Variants in GALNT17 observed in about 807,000 individuals in gnomAD.
The protein encoded by GALNT17 is polypeptide N-acetylgalactosaminyltransferase 17.
GALNT17 carries 29 observed loss-of-function variants against 63.7 expected under a neutral mutation model. The ratio of observed to expected loss-of-function variants is 0.46; its 90% CI spans 0.34 to 0.62. GALNT17 has a LOEUF of 0.62. Ranked by LOEUF, GALNT17 falls within the 20% of genes least tolerant of loss-of-function variation. GALNT17 has a pLI of 0.01. For missense variants in GALNT17, 603 were observed against 799.6 expected (o/e 0.75, Z 2.97); for synonymous variants, 305 against 318.3 (o/e 0.96, Z 0.45).
intron 2 of GALNT17, among the ~76,000 whole-genome samples, chr7:71,376,283 G>A (rs376215205): frequency 6.6e-6 from 1 of 150,756 alleles, no homozygotes; most frequent in African/African-American, 2.4e-5. Context: ...TAAGAATAAC[G>A]TAGGCAGCAT....
chr7:71,173,204 C>T (rs746365637), intron 1 of GALNT17, among the ~76,000 whole-genome samples: 8 of 152,012 alleles, frequency 5.3e-5, no homozygotes, highest in East Asian at 1.9e-4. Flanking sequence ...GTCTCAGATG[C>T]GGAAGTGCAC....
intron 1 of GALNT17, among the ~76,000 whole-genome samples, chr7:71,211,373 C>G (rs1022439253): frequency 2.6e-5 from 4 of 152,154 alleles, no homozygotes; most frequent in Non-Finnish European, 5.9e-5. Context: ...TGCCTTTTAC[C>G]TCCCCACATG....
chr7:71,609,179 G>A (rs530934098), intron 6 of GALNT17, among the ~76,000 whole-genome samples: 1 of 152,272 alleles, frequency 6.6e-6, no homozygotes, highest in South Asian at 2.1e-4. Flanking sequence ...CTATACCAAA[G>A]GATGTGCCTT....
chr7:71,517,077 A>G (rs1788457615), intron 5 of GALNT17, among the ~76,000 whole-genome samples: 1 of 152,178 alleles, frequency 6.6e-6, no homozygotes. Context: ...CAAAGTTCTC[A>G]TGTCTTAGCT....
rs566772678 is a variant in GALNT17 at position 71,334,713 on chromosome 7, A to C, written c.239-837A>C. On this transcript the variant is annotated intron_variant, in intron 1 of 10. Transcript: ENST00000333538. ...ACAGAGGCCTCCAAGTCTACTTGGC[A>C]CTGTTATCACCCGTGTGGGTTTTTT... is the stretch of plus-strand genomic sequence containing the variant. Among the ~76,000 whole-genome samples, 5 of 152,298 alleles carry C rather than the reference A, an allele frequency of 3.3e-5. No homozygotes were observed. The South Asian group carries it at 1.0e-3, about 32-fold the overall frequency.
intron 1 of GALNT17, among the ~76,000 whole-genome samples, chr7:71,185,749 C>T (rs1323847276): frequency 2.6e-5 from 4 of 152,226 alleles, no homozygotes; most frequent in Non-Finnish European, 2.9e-5. Flanking sequence ...CCTCGTGATC[C>T]GCCCACCTCG....
chr7:71,556,520 C>T (rs763191951), intron 5 of GALNT17, among the ~76,000 whole-genome samples: 3 of 152,106 alleles, frequency 2.0e-5, no homozygotes, highest in East Asian at 1.9e-4. Flanking sequence ...TCAGAGCCTG[C>T]ATTTTGTCTG....
At chr7:71,699,235 T>C (rs1319034373) in intron 9 of GALNT17, among the ~76,000 whole-genome samples, 1 of 149,058 alleles carries the variant, frequency 6.7e-6, no homozygotes, top group African/African-American at 2.5e-5. Context: ...ATCCCAGCAC[T>C]TCTTGAGGCC....
At chr7:71,301,474 A>C (rs1348313034) in intron 1 of GALNT17, among the ~76,000 whole-genome samples, 1 of 149,320 alleles carries the variant, frequency 6.7e-6, no homozygotes, top group Non-Finnish European at 1.5e-5. Context: ...AAAAATAATT[A>C]CTTTTTTAAA....
At chr7:71,149,297 A>G (rs2116208792) in intron 1 of GALNT17, among the ~76,000 whole-genome samples, 1 of 152,238 alleles carries the variant, frequency 6.6e-6, no homozygotes, top group African/African-American at 2.4e-5. Context: ...ACACCTATTT[A>G]TACTATTATA....
intron 5 of GALNT17, among the ~76,000 whole-genome samples, chr7:71,438,747 G>A (rs1195806712): frequency 6.6e-6 from 1 of 151,954 alleles, no homozygotes; most frequent in Admixed American, 6.6e-5. Flanking sequence ...CCTCACTTTG[G>A]GAATATTATA....
At chr7:71,338,593 C>A (rs942062272) in intron 2 of GALNT17, among the ~76,000 whole-genome samples, 1 of 152,068 alleles carries the variant, frequency 6.6e-6, no homozygotes, top group African/African-American at 2.4e-5. Context: ...TTAAGAATTA[C>A]TTATTTTCTG....
intron 5 of GALNT17, among the ~76,000 whole-genome samples, chr7:71,449,237 C>T (rs73363792): frequency 0.067 from 9,853 of 147,114 alleles, 1,100 homozygotes; most frequent in African/African-American, 0.23. Flanking sequence ...CTTAGTCTCC[C>T]GAGTAGTGGG....
chr7:71,492,710 C>G (rs1172507245), intron 5 of GALNT17, among the ~76,000 whole-genome samples: 2 of 152,206 alleles, frequency 1.3e-5, no homozygotes. Context: ...CAAATGGAGA[C>G]AGTACACTTT....
intron 1 of GALNT17, among the ~76,000 whole-genome samples, chr7:71,247,612 G>A (rs1254053729): frequency 1.3e-5 from 2 of 152,034 alleles, no homozygotes; most frequent in Non-Finnish European, 1.5e-5. Context: ...ATGCGCCATC[G>A]TGTCTGGGTG....
chr7:71,299,293 A>G (rs1791147355), intron 1 of GALNT17, among the ~76,000 whole-genome samples: 1 of 152,196 alleles, frequency 6.6e-6, no homozygotes, highest in South Asian at 2.1e-4. Flanking sequence ...CTGGGACTAA[A>G]TGATTCTGTC....
intron 10 of GALNT17, 84 bp from the exon 11 acceptor site, chr7:71,711,932 GTC>G (rs557299591): frequency 1.4e-6 from 2 of 1,411,778 alleles, no homozygotes; most frequent in African/African-American, 1.5e-5. Context: ...TCTCTCTCCT[GTC>G]TCTCTTTCTC....
At chr7:71,203,389 T>C (rs907505521) in intron 1 of GALNT17, among the ~76,000 whole-genome samples, 1 of 152,222 alleles carries the variant, frequency 6.6e-6, no homozygotes, top group African/African-American at 2.4e-5. Context: ...TCCCTGATGA[T>C]TAATGTTATT....
intron 1 of GALNT17, among the ~76,000 whole-genome samples, chr7:71,134,785 G>T (rs1327943777): frequency 6.7e-6 from 1 of 149,670 alleles, no homozygotes; most frequent in South Asian, 2.1e-4. Flanking sequence ...CCCTCATCAG[G>T]CTTTTCTCAG....
Sources: allele counts gnomAD v4.1 joint callset (sites outside exome capture counted in the v4.1 genomes callset), GRCh38; gene constraint gnomAD v4.1.1; transcripts MANE v1.5; gene names NCBI Gene and HGNC (gene_info 2026-07-23, HGNC 2026-07-21).